PTPN13: variants seen among roughly 807,000 people sequenced by gnomAD.
PTPN13 encodes tyrosine-protein phosphatase non-receptor type 13.
Under a neutral mutation model 284.0 loss-of-function variants are expected in PTPN13, and 191 were observed. The observed-to-expected ratio is 0.67, with a 90% CI of 0.60 to 0.76. The LOEUF is 0.76. Among genes scored for constraint, PTPN13 ranks in the 30% least tolerant of loss-of-function variants. The pLI, the probability that PTPN13 is intolerant of heterozygous loss-of-function variation, is 0.00. For missense variants in PTPN13, 2,797 were observed against 2,939.9 expected, an observed-to-expected ratio of 0.95 and a Z score of 1.12; for synonymous variants, 986 against 1,022.3, an observed-to-expected ratio of 0.96 and a Z score of 0.68.
chr4:86,621,387 G>A (rs1373529068), intron 1 of PTPN13, among the ~76,000 whole-genome samples: 1 of 152,140 alleles, frequency 6.6e-6, no homozygotes, highest in African/African-American at 2.4e-5. Context: ...TTCAAAGATA[G>A]CCGACTTTCT....
chr4:86,613,852 A>G (rs1720233011), intron 1 of PTPN13, among the ~76,000 whole-genome samples: 1 of 152,134 alleles, frequency 6.6e-6, no homozygotes, highest in Non-Finnish European at 1.5e-5. Flanking sequence ...TCTCAGTACC[A>G]TTAGCTAGGA....
chr4:86,607,661 A>G (rs943131321), intron 1 of PTPN13, among the ~76,000 whole-genome samples: 1 of 152,004 alleles, frequency 6.6e-6, no homozygotes, highest in African/African-American at 2.4e-5. Flanking sequence ...TGACATGAGC[A>G]GTATTAAGGT....
chr4:86,633,292 T>C (rs1722659827), intron 1 of PTPN13, among the ~76,000 whole-genome samples: 1 of 152,162 alleles, frequency 6.6e-6, no homozygotes, highest in South Asian at 2.1e-4. Context: ...TGGCTTCTGA[T>C]ACAGTATGTC....
intron 40 of PTPN13, among the ~76,000 whole-genome samples, chr4:86,794,821 G>A (rs573566992): frequency 2.0e-5 from 3 of 152,290 alleles, no homozygotes; most frequent in African/African-American, 7.2e-5. Context: ...TTAATAAATA[G>A]TGCTGGGAAA....
chr4:86,728,274 A>G (rs1054765642), intron 10 of PTPN13, among the ~76,000 whole-genome samples: 1 of 149,638 alleles, frequency 6.7e-6, no homozygotes, highest in African/African-American at 2.4e-5. Flanking sequence ...TGTGGTGCTG[A>G]GAAGAATGTA....
intron 47 of PTPN13, among the ~76,000 whole-genome samples, chr4:86,811,804 G>A (rs556407580): frequency 2.4e-4 from 37 of 152,234 alleles, no homozygotes; most frequent in African/African-American, 8.7e-4. Context: ...GAAAAATAGG[G>A]AAATTTGCTA....
Position 86,750,648 on chromosome 4 carries a change from C to T in PTPN13, c.2829C>T (p.Tyr943=). 3 of 1,613,934 alleles carry T rather than the reference C, an allele frequency of 1.9e-6. No homozygotes were observed. In the South Asian group the frequency reaches 3.3e-5, roughly 18 times the overall value. ...TATCCTGCTCAGAGCTGTCGCTTTA[C>T]CAGCCATTGCAAAACAGTTCAAAAG... is the stretch of plus-strand genomic sequence containing the variant. The part of the protein sequence containing the change: ...KRLSCSELSL[Y]QPLQNSSKEK... Residue 943 remains tyrosine, a synonymous_variant, in exon 18 of 48, where the codon TAC becomes TAT. Transcript: ENST00000411767.
intron 23 of PTPN13, among the ~76,000 whole-genome samples, chr4:86,762,259 G>T (rs1410858594): frequency 6.6e-6 from 1 of 152,152 alleles, no homozygotes; most frequent in African/African-American, 2.4e-5. Context: ...AGGATTACAG[G>T]CATGAGCCAC....
At chr4:86,721,057 C>T (rs1203087636) in intron 9 of PTPN13, among the ~76,000 whole-genome samples, 1 of 151,912 alleles carries the variant, frequency 6.6e-6, no homozygotes, top group Non-Finnish European at 1.5e-5. Flanking sequence ...TTGTTTCTGA[C>T]TCCAAACAGA....
rs1261923447 is a variant in PTPN13 at position 86,750,493 on chromosome 4, A to C, written c.2674A>C (p.Asn892His). Residue 892 changes from asparagine (N) to histidine (H), a missense_variant, in exon 18 of 48, where the codon AAT becomes CAT. Physicochemically the swap from Asn to His is moderately conservative, Grantham distance 68. Coordinates refer to ENST00000411767, the MANE Select transcript of PTPN13 (RefSeq NM_080683.3). ...DIERASFRSL[N>H]LQAESVRGFN... ...AGAGAGAGCTTCGTTTAGGAGCCTGAATCTCCAAGCAGAGTCTGTTAGAGG... is the reference window on the plus strand; with the variant it reads ...AGAGAGAGCTTCGTTTAGGAGCCTGCATCTCCAAGCAGAGTCTGTTAGAGG... The C allele has an allele frequency of 1.2e-6, 2 of 1,613,398 alleles. No homozygotes were observed. The highest frequency in any genetic ancestry group is 2.2e-5 in the South Asian group (2 of 90,940).
chr4:86,736,210 G>A (rs1201462280), intron 15 of PTPN13, among the ~76,000 whole-genome samples: 1 of 152,142 alleles, frequency 6.6e-6, no homozygotes, highest in Non-Finnish European at 1.5e-5. Flanking sequence ...GGGGTAGAGA[G>A]TCACAAAAAT....
intron 1 of PTPN13, among the ~76,000 whole-genome samples, chr4:86,609,760 G>T (rs774559798): frequency 7.9e-5 from 12 of 152,006 alleles, no homozygotes; most frequent in Non-Finnish European, 1.8e-4. Context: ...AAACGTGGAT[G>T]TCTTAGCAGT....
chr4:86,595,972 CAATATACAAAT>C (rs1434935946), intron 1 of PTPN13, among the ~76,000 whole-genome samples: 3 of 151,996 alleles, frequency 2.0e-5, no homozygotes, highest in African/African-American at 7.3e-5. Context: ...GTAGTGGTGC[CAATATACAAAT>C]TATTTCTCGT....
chr4:86,638,919 G>T (rs952625188), intron 2 of PTPN13, among the ~76,000 whole-genome samples: 4 of 152,078 alleles, frequency 2.6e-5, no homozygotes, highest in African/African-American at 7.3e-5. Flanking sequence ...GAAAATGTTC[G>T]CAACCTACTC....
chr4:86,764,671 A>G lies in PTPN13; in HGVS notation c.4096A>G (p.Ile1366Val), dbSNP rs1228699008. 2.5e-6 allele frequency: 4 copies of G among 1,606,408 alleles called. No homozygotes were observed. In the Admixed American group the frequency reaches 6.9e-5, roughly 28 times the overall value. The change falls in exon 25 of 48, where the codon ATC becomes GTC. Residue 1366 changes from isoleucine (I) to valine (V), a missense_variant. Physicochemically the swap from Ile to Val is conservative, Grantham distance 29. Coordinates refer to ENST00000411767, the MANE Select transcript of PTPN13 (RefSeq NM_080683.3). ...FSSSPPKPGD[I>V]FEVELAKNDN... is the part of the protein sequence containing the mutation. ...TTCATCACCTCCTAAGCCTGGAGATATCTTTGAGGTTGAACTGGCTAAAAA... is the reference window on the plus strand; with the variant it reads ...TTCATCACCTCCTAAGCCTGGAGATGTCTTTGAGGTTGAACTGGCTAAAAA...
chr4:86,785,207 C>G lies in PTPN13; in HGVS notation c.6119-24C>G, dbSNP rs1030528281. On this transcript the variant is annotated intron_variant, in intron 38 of 47. Transcript: ENST00000411767. ...GTGTCAATATTTTTAAAGTAAAACC[C>G]CATGTAAATTATTATTTTTCAAGAA... 4.8e-6 allele frequency: 7 copies of G among 1,459,848 alleles called. No homozygotes were observed. In the African/African-American group the frequency reaches 1.0e-4, roughly 21 times the overall value. 90.4% of individuals were successfully genotyped at this position (1,459,848 alleles called of 1,614,324 possible). A position where few individuals can be genotyped will look rare whatever the true frequency, so the allele number is the denominator to read the frequency against.
intron 40 of PTPN13, among the ~76,000 whole-genome samples, chr4:86,794,190 G>A (rs1743033352): frequency 6.6e-6 from 1 of 152,070 alleles, no homozygotes; most frequent in South Asian, 2.1e-4. Flanking sequence ...AAGCTGATAA[G>A]CAACTTCAGC....
chr4:86,763,550 A>T (rs756196038), intron 24 of PTPN13, among the ~76,000 whole-genome samples: 5 of 152,360 alleles, frequency 3.3e-5, no homozygotes, highest in Non-Finnish European at 5.9e-5. Context: ...TGGGCATTTG[A>T]ATTCACTATT....
Position 86,741,761 on chromosome 4 carries a change from T to C in PTPN13, c.2432T>C (p.Val811Ala), listed in dbSNP as rs1456563421. ...CTTGTGTTTGAAGTTCACAATGGAG[T>C]GCGCACATTGGTCCTTCGCTTTCCA... ...GVLVFEVHNGVRTLVLRFPWR... is the reference protein window; with the variant it reads ...GVLVFEVHNGARTLVLRFPWR... Residue 811 changes from valine to alanine, a missense_variant, in exon 16 of 48, where the codon GTG (valine) becomes GCG (alanine). By Grantham distance (64) the Val-to-Ala change is moderately conservative (BLOSUM62 0). Transcript: ENST00000411767. 3 of 1,612,794 alleles carry C rather than the reference T, an allele frequency of 1.9e-6. No homozygotes were observed. The highest frequency in any genetic ancestry group is 3.3e-5 in the Admixed American group (2 of 59,872).
Sources: allele counts gnomAD v4.1 joint callset (sites outside exome capture counted in the v4.1 genomes callset), GRCh38; gene constraint gnomAD v4.1.1; transcripts MANE v1.5; gene names NCBI Gene and HGNC (gene_info 2026-07-23, HGNC 2026-07-21).